Variants in ATP11C observed in about 807,000 individuals in gnomAD.
The protein encoded by ATP11C is phospholipid-transporting ATPase IG.
Under a neutral mutation model 97.4 loss-of-function variants are expected in ATP11C, and 36 were observed. That is an observed-to-expected ratio of 0.37 (90% CI 0.28 to 0.49). The LOEUF (loss-of-function observed/expected upper bound fraction) is 0.49, where lower values mean the gene tolerates loss of function less well. Ranked by LOEUF, ATP11C falls within the 20% of genes least tolerant of loss-of-function variation. The pLI is 0.98. For synonymous variants in ATP11C, 275 were observed against 290.9 expected (o/e 0.95, Z 0.56); for missense variants, 730 against 824.6 (o/e 0.89, Z 1.40).
At chrX:139,767,429 G>A (rs2082161001) in intron 20 of ATP11C, among the ~76,000 whole-genome samples, 1 of 111,392 alleles carries the variant, frequency 9.0e-6, no homozygotes, top group Admixed American at 9.5e-5. Flanking sequence ...AGGTAGTTTT[G>A]AGACATAGGG....
intron 25 of ATP11C, among the ~76,000 whole-genome samples, chrX:139,744,533 G>T (rs2081639457): frequency 8.9e-6 from 1 of 112,035 alleles, no homozygotes; most frequent in South Asian, 3.7e-4. Context: ...TGCCTACTTT[G>T]GAGCAAACTC....
chrX:139,883,402 G>A (rs1319147674), intron 1 of ATP11C, among the ~76,000 whole-genome samples: 1 of 110,626 alleles, frequency 9.0e-6, no homozygotes, highest in Non-Finnish European at 1.9e-5. Context: ...CTTGCCGACT[G>A]GTTATTTCAT....
intron 1 of ATP11C, among the ~76,000 whole-genome samples, chrX:139,832,937 A>G (rs1012409737): frequency 8.9e-6 from 1 of 112,203 alleles, no homozygotes; most frequent in Non-Finnish European, 1.9e-5. Context: ...CTTGACCAGC[A>G]TCATTACCTA....
chrX:139,890,846 C>A (rs1488597254), intron 1 of ATP11C, among the ~76,000 whole-genome samples: 1 of 110,751 alleles, frequency 9.0e-6, no homozygotes, highest in African/African-American at 3.3e-5. Context: ...GATTTTTCCC[C>A]ATATACCATT....
intron 1 of ATP11C, among the ~76,000 whole-genome samples, chrX:139,852,090 T>C (rs1190512659): frequency 9.2e-6 from 1 of 108,794 alleles, no homozygotes; most frequent in African/African-American, 3.4e-5. Context: ...GGAGAATCGC[T>C]TGCGCCCAGG....
intron 23 of ATP11C, among the ~76,000 whole-genome samples, chrX:139,753,403 A>C (rs1488467794): frequency 1.8e-5 from 2 of 112,322 alleles, no homozygotes; most frequent in African/African-American, 6.5e-5. Flanking sequence ...GCAAAAATCA[A>C]GAATTTCTTT....
At chrX:139,781,850 ATCT>A (rs1009189179) in intron 18 of ATP11C, among the ~76,000 whole-genome samples, 6 of 112,236 alleles carry the variant, frequency 5.3e-5, no homozygotes, top group African/African-American at 1.9e-4. Context: ...CAGCTCACCT[ATCT>A]CTGAAAATCT....
chrX:139,755,683 C>T (rs1485423629), intron 23 of ATP11C, among the ~76,000 whole-genome samples: 1 of 111,459 alleles, frequency 9.0e-6, no homozygotes, highest in Non-Finnish European at 1.9e-5. Context: ...ATATCTATGA[C>T]CATGTGATCT....
intron 1 of ATP11C, among the ~76,000 whole-genome samples, chrX:139,869,886 CAAAAAAAAA>C (rs59723137): frequency 2.4e-5 from 1 of 42,251 alleles, no homozygotes; most frequent in Non-Finnish European, 5.2e-5. Context: ...ACTAGACTGG[CAAAAAAAAA>C]AAAAAAAAAG....
chrX:139,814,960 C>T lies in ATP11C; in HGVS notation c.344G>A (p.Arg115Lys). ...KQGYEDCLRH[R>K]ADNEVNKSTV... ...GCTTTTGTTGACTTCATTGTCAGCT[C>T]TGTGTCTCAGACAATCCTCATATCC... Residue 115 changes from arginine to lysine, a missense_variant, in exon 5 of 30, where the codon AGA (arginine) becomes AAA (lysine). By Grantham distance (26) the Arg-to-Lys change is conservative. Coordinates refer to ENST00000682941, the MANE Select transcript of ATP11C (RefSeq NM_001353812.2). The T allele has an allele frequency of 1.7e-6, 2 of 1,159,236 alleles. No individual in the cohort carries two copies. Among genetic ancestry groups the T allele is most frequent in the Non-Finnish European group, 2.3e-6 (2 of 860,560 alleles).
At chrX:139,893,979 G>A (rs1181245363) in intron 1 of ATP11C, among the ~76,000 whole-genome samples, 1 of 109,734 alleles carries the variant, frequency 9.1e-6, no homozygotes, top group Non-Finnish European at 1.9e-5. Flanking sequence ...CATTCACACA[G>A]ACCATCGATA....
intron 1 of ATP11C, among the ~76,000 whole-genome samples, chrX:139,903,448 T>A (rs2084928433): frequency 2.7e-5 from 3 of 109,265 alleles, no homozygotes; most frequent in African/African-American, 1.0e-4. Flanking sequence ...GGGGTCAGGG[T>A]TCAGTAAGCT....
chrX:139,783,060 G>T, intron 17 of ATP11C, 104 bp downstream of exon 17: 1 of 578,499 alleles, frequency 1.7e-6, no homozygotes, highest in Non-Finnish European at 2.7e-6. Context: ...ACAAAAATAA[G>T]CTAAAATGTA....
intron 1 of ATP11C, among the ~76,000 whole-genome samples, chrX:139,896,768 G>A (rs1442397378): frequency 1.8e-5 from 2 of 108,777 alleles, no homozygotes; most frequent in Non-Finnish European, 3.8e-5. Flanking sequence ...CACCACACCC[G>A]GCTAATTTTT....
Position 139,738,165 on chromosome X carries a change from T to A in ATP11C, c.3135-96A>T, listed in dbSNP as rs778735095. 128 of 708,546 alleles carry A rather than the reference T, an allele frequency of 1.8e-4. No individual in the cohort carries two copies. In the African/African-American group the frequency reaches 2.7e-3, roughly 15 times the overall value. The allele number at this position is 708,546 out of a possible 1,213,427, so 58.4% of individuals were successfully genotyped here. The stretch of plus-strand genomic sequence containing the variant: ...AAATGTCGTTTGTATTTAAAAAGAA[T>A]CTTCCTTACATACATTAATAAAAAT... On this transcript the variant is annotated intron_variant, in intron 27 of 29. Transcript: ENST00000682941.
At chrX:139,810,095 C>T (rs1424692263) in intron 5 of ATP11C, among the ~76,000 whole-genome samples, 1 of 111,979 alleles carries the variant, frequency 8.9e-6, no homozygotes, top group Non-Finnish European at 1.9e-5. Context: ...ACAACAATAA[C>T]ACAAAGGGTG....
chrX:139,763,373 A>T lies in ATP11C; in HGVS notation c.2437T>A (p.Ser813Thr). ...ACATCATTGGCACCATCACCTATCG[A>T]CAGAGTTATTGGGCTGCCTTTTAAA... ...KNLKGSPITL[S>T]IGDGANDVSM... The change falls in exon 21 of 30, where the codon TCG becomes ACG. Residue 813 changes from serine (S) to threonine (T), a missense_variant. By Grantham distance (58) the Ser-to-Thr change is moderately conservative (BLOSUM62 1). Coordinates refer to ENST00000682941, the MANE Select transcript of ATP11C (RefSeq NM_001353812.2). 1 of 1,210,629 alleles carries T rather than the reference A, an allele frequency of 8.3e-7. No homozygotes were observed. Among genetic ancestry groups the T allele is most frequent in the Non-Finnish European group, 1.1e-6 (1 of 894,282 alleles).
chrX:139,862,686 A>G (rs2147993627), intron 1 of ATP11C, among the ~76,000 whole-genome samples: 1 of 111,755 alleles, frequency 8.9e-6, no homozygotes, highest in Non-Finnish European at 1.9e-5. Context: ...AAATAGAGGC[A>G]GAGAGCATAA....
intron 1 of ATP11C, among the ~76,000 whole-genome samples, chrX:139,908,999 G>A (rs2085026179): frequency 8.9e-6 from 1 of 112,402 alleles, no homozygotes; most frequent in Non-Finnish European, 1.9e-5. Flanking sequence ...TAATCAATTT[G>A]CTTCTAAATT....
Sources: gnomAD v4.1 joint callset for allele counts (sites outside exome capture counted in the v4.1 genomes callset) on GRCh38, gnomAD v4.1.1 for gene constraint, MANE v1.5 for transcripts, NCBI Gene and HGNC (gene_info 2026-07-23, HGNC 2026-07-21) for gene names.